The following TTN variants were observed in gnomAD, a reference collection of about 807,000 sequenced individuals.
TTN encodes titin.
A neutral mutation model predicts 3,223.0 loss-of-function variants in TTN; 1,525 were observed. The observed-to-expected ratio is 0.47, with a 90% CI of 0.45 to 0.49. The LOEUF is 0.49. TTN is among the 20% of genes least tolerant of loss of function. TTN has a pLI of 0.00. For synonymous variants in TTN, 14,094 were observed against 15,161.0 expected (o/e 0.93, Z 5.17); for missense variants, 40,786 against 43,424.0 (o/e 0.94, Z 5.40).
At position 178,563,896 on chromosome 2, in the gene TTN, T is replaced by A. The variant is rs1390248489; in HGVS notation, c.82236A>T (p.Thr27412=). 1 of 1,613,760 alleles carries A rather than the reference T, an allele frequency of 6.2e-7. No individual in the cohort carries two copies. Among genetic ancestry groups the A allele is most frequent in the South Asian group, 1.1e-5 (1 of 91,078 alleles). ...ISHYIIEKRE[T]SRLSWTQVST... ...AAACCTGGGTCCAAGAGAGTCGGCT[T>A]GTCTCCCTCTTTTCAATGATGTAAT... The change falls in exon 326 of 363, where the codon ACA becomes ACT. Residue 27412 remains threonine, a synonymous_variant. Coordinates refer to ENST00000589042, the MANE Select transcript of TTN (RefSeq NM_001267550.2). This position sits in a 1 kb window ranked among gnomAD's most constrained non-coding sequence, Gnocchi z 4.5.
At position 178,632,368 on chromosome 2, in the gene TTN, T is replaced by C. The variant is rs772970275; in HGVS notation, c.43526A>G (p.Lys14509Arg). The C allele has an allele frequency of 3.7e-6, 6 of 1,602,882 alleles. No individual in the cohort carries two copies. The Admixed American group carries it at 1.0e-4, about 27-fold the overall frequency. The change falls in exon 236 of 363, where the codon AAA becomes AGA. Residue 14509 changes from lysine to arginine, a missense_variant. Physicochemically the swap from Lys to Arg is conservative, Grantham distance 26. Transcript: ENST00000589042. ...FLTPLKDVTA[K>R]EKESAVFTVE... Reference sequence around the variant, plus strand: ...AGTAAATACAGCACTTTCCTTCTCTTTGGCAGTTACATCTTTGAGAGGGGT... The same window carrying C: ...AGTAAATACAGCACTTTCCTTCTCTCTGGCAGTTACATCTTTGAGAGGGGT...
chr2:178,738,254 C>A lies in TTN; in HGVS notation c.14199G>T (p.Trp4733Cys). 6.2e-7 allele frequency: 1 copy of A among 1,613,590 alleles called. No individual in the cohort carries two copies. The change falls in exon 49 of 363, where the codon TGG becomes TGT. Residue 4733 changes from tryptophan (W) to cysteine (C), a missense_variant. By Grantham distance (215) the Trp-to-Cys change is radical. Transcript: ENST00000589042. The stretch of plus-strand genomic sequence containing the variant: ...CATAAATTTCTCGGCCAGCTTTAAA[C>A]CACTGGAACCGGACATTGGGAGCAC... ...IQSAPNVRFQ[W>C]FKAGREIYES...
chr2:178,778,756 G>T (rs1216415642), intron 24 of TTN, 118 bp downstream of exon 24: 17 of 1,423,236 alleles, frequency 1.2e-5, no homozygotes, highest in Non-Finnish European at 1.6e-5. Context: ...GTTGCCAATG[G>T]TAAGTTTCTG....
intron 135 of TTN, among the ~76,000 whole-genome samples, chr2:178,682,156 C>T (rs961898201): frequency 6.6e-6 from 1 of 151,854 alleles, no homozygotes; most frequent in African/African-American, 2.4e-5. Context: ...ATTTGAAGCC[C>T]AAACTATATG....
intron 239 of TTN, 91 bp from the exon 240 acceptor site, chr2:178,629,534 T>C: frequency 6.3e-7 from 1 of 1,576,880 alleles, no homozygotes; most frequent in Non-Finnish European, 8.6e-7. Context: ...TCATGGTTGC[T>C]TTCTTCAAGA....
At chr2:178,747,522 C>T (rs770183244) in intron 47 of TTN, 23 of 1,613,190 alleles carry the variant, frequency 1.4e-5, no homozygotes, top group Non-Finnish European at 1.9e-5. Flanking sequence ...AGTGGACGAC[C>T]TAGTGATTCC....
chr2:178,530,906 G>A lies in TTN; in HGVS notation c.105709C>T (p.Pro35237Ser). Residue 35237 changes from proline to serine, a missense_variant, in exon 358 of 363, where the codon CCA (proline) becomes TCA (serine). Transcript: ENST00000589042. ...TCTGGGGATTTCACCCGAGGCTCTG[G>A]GGATTTGACTCTTGGTGGTGATGTC... ...AVTSPPRVKS[P>S]EPRVKSPEAV... The A allele has an allele frequency of 6.2e-7, 1 of 1,613,930 alleles. No individual in the cohort carries two copies. Among genetic ancestry groups the A allele is most frequent in the Non-Finnish European group, 8.5e-7 (1 of 1,179,876 alleles).
chr2:178,590,998 CAT>C lies in TTN; in HGVS notation c.60725_60726del (p.Tyr20242CysfsTer5). The part of the protein sequence containing the change: ...KIPHLQKGCE[Y>X]VFRVRAENKI... The stretch of plus-strand genomic sequence containing the variant: ...TTATTCTCTGCTCTAACTCGGAAAA[CAT>C]ATTCACAGCCCTTCTGCAGATGTGG... On this transcript the variant is annotated frameshift_variant, in exon 304 of 363. Transcript: ENST00000589042. LOFTEE classifies it high-confidence loss of function. 1 of 1,613,494 alleles carries C rather than the reference CAT, an allele frequency of 6.2e-7. No homozygotes were observed. Among genetic ancestry groups the C allele is most frequent in the Non-Finnish European group, 8.5e-7 (1 of 1,179,568 alleles).
chr2:178,725,259 G>A lies in TTN; in HGVS notation c.20836+109C>T, dbSNP rs1254323983. 6 of 1,179,038 alleles carry A rather than the reference G, an allele frequency of 5.1e-6. No homozygotes were observed. The East Asian group carries it at 1.7e-4, about 33-fold the overall frequency. 73.0% of individuals were successfully genotyped at this position (1,179,038 alleles called of 1,614,324 possible). ...TTTCCTCTAGACCTTTCAAATAGATGAGGATAAATATAGTTCTAGAAGAAA... is the reference window on the plus strand; with the variant it reads ...TTTCCTCTAGACCTTTCAAATAGATAAGGATAAATATAGTTCTAGAAGAAA... On this transcript the variant is annotated intron_variant, in intron 71 of 362. Transcript: ENST00000589042.
chr2:178,748,095 C>G, intron 47 of TTN: 2 of 1,613,110 alleles, frequency 1.2e-6, no homozygotes, highest in Non-Finnish European at 1.7e-6. Flanking sequence ...TCACTTGCTG[C>G]TTTTTTCAAA....
intron 263 of TTN, 74 bp from the exon 264 acceptor site, chr2:178,613,350 A>G (rs929582807): frequency 1.1e-5 from 12 of 1,114,710 alleles, no homozygotes; most frequent in Non-Finnish European, 1.3e-5. Context: ...TTTACACAGA[A>G]GAGACTAATT....
Position 178,588,781 on chromosome 2 carries a change from C to A in TTN, c.62944G>T (p.Val20982Leu). The A allele has an allele frequency of 6.2e-7, 1 of 1,613,356 alleles. No homozygotes were observed. The highest frequency in any genetic ancestry group is 8.5e-7 in the Non-Finnish European group (1 of 1,179,596). ...TCATATTCAGGTGGATTCCAAACCA[C>A]AGTCATCTCTTCTTTGCTTACTTTA... ...VTKVSKEEMT[V>L]VWNPPEYDGG... The change falls in exon 304 of 363, where the codon GTG becomes TTG. Residue 20982 changes from valine (V) to leucine (L), a missense_variant. Transcript: ENST00000589042.
intron 219 of TTN, 113 bp downstream of exon 219, chr2:178,642,124 G>T: frequency 2.5e-6 from 2 of 784,352 alleles, no homozygotes; most frequent in Non-Finnish European, 3.7e-6. Flanking sequence ...AACAAATTTT[G>T]ATAAATAGCG....
In TTN at chr2:178,741,926, A is replaced by G; in HGVS notation, c.11312-5T>C. 1 of 1,455,188 alleles carries G rather than the reference A, an allele frequency of 6.9e-7. No homozygotes were observed. The highest frequency in any genetic ancestry group is 9.0e-7 in the Non-Finnish European group (1 of 1,105,138). The allele number at this position is 1,455,188 out of a possible 1,614,324, so 90.1% of individuals were successfully genotyped here. On this transcript the variant is annotated splice_polypyrimidine_tract_variant and splice_region_variant and intron_variant, in intron 47 of 362. Coordinates refer to ENST00000589042, the MANE Select transcript of TTN (RefSeq NM_001267550.2). Reference sequence around the variant, plus strand: ...ACAGAAAAGAACTAGAAAACTCTGTATGGGGAAAAATGATTATTATTTTAC... The same window carrying G: ...ACAGAAAAGAACTAGAAAACTCTGTGTGGGGAAAAATGATTATTATTTTAC...
At chr2:178,649,688 T>C (rs2062609055) in intron 211 of TTN, 57 bp from the exon 212 acceptor site, 1 of 1,541,790 alleles carries the variant, frequency 6.5e-7, no homozygotes, top group African/African-American at 1.4e-5. Context: ...AAGATATACA[T>C]ACAAGTTTAT....
intron 350 of TTN, 86 bp from the exon 351 acceptor site, chr2:178,540,456 T>C: frequency 9.0e-7 from 1 of 1,113,492 alleles, no homozygotes; most frequent in Non-Finnish European, 1.3e-6. Flanking sequence ...AATGAGTTGT[T>C]GAAACGGACT....
In TTN at chr2:178,734,690, A is replaced by C; in HGVS notation, c.15217+17T>G. On this transcript the variant is annotated intron_variant, in intron 51 of 362. Coordinates refer to ENST00000589042, the MANE Select transcript of TTN (RefSeq NM_001267550.2). Reference sequence around the variant, plus strand: ...CTTTTCTCAGAAAAATACTGGATGGAAACTCAGTAAACAAACCTTTGATAA... The same window carrying C: ...CTTTTCTCAGAAAAATACTGGATGGCAACTCAGTAAACAAACCTTTGATAA... 6.3e-7 allele frequency: 1 copy of C among 1,592,542 alleles called. No homozygotes were observed. The highest frequency in any genetic ancestry group is 8.6e-7 in the Non-Finnish European group (1 of 1,167,052).
rs2154165640 is a variant in TTN at position 178,566,518 on chromosome 2, A to C, written c.79614T>G (p.Thr26538=). ...GAGTGACTCTCAGGCCAGTCTGTGG[A>C]GTAACTATTTGCCATTCTTCTTCAT... ...KADEEEWQIV[T]PQTGLRVTRF... Residue 26538 remains threonine, a synonymous_variant, in exon 326 of 363, where the codon ACT becomes ACG. Transcript: ENST00000589042. The C allele has an allele frequency of 6.2e-7, 1 of 1,613,402 alleles. No homozygotes were observed. The highest frequency in any genetic ancestry group is 1.7e-5 in the Admixed American group (1 of 59,972).
At chr2:178,583,274 A>T in intron 312 of TTN, 47 bp from the exon 313 acceptor site, 1 of 1,434,748 alleles carries the variant, frequency 7.0e-7, no homozygotes, top group South Asian at 1.7e-5. Context: ...AAGCTATATT[A>T]TGTAATCCTT....
Sources: gnomAD v4.1 joint callset for allele counts (sites outside exome capture counted in the v4.1 genomes callset) on GRCh38, gnomAD v4.1.1 for gene constraint, Gnocchi (gnomAD v3.1) non-coding constraint, MANE v1.5 for transcripts, NCBI Gene and HGNC (gene_info 2026-07-23, HGNC 2026-07-21) for gene names.